Variants in C1orf21 observed in about 807,000 individuals in gnomAD.
C1orf21 encodes the protein chromosome 1 open reading frame 21, also known as uncharacterized protein C1orf21.
Under a neutral mutation model 18.7 loss-of-function variants are expected in C1orf21, and 3 were observed. The observed-to-expected ratio is 0.16, with a 90% CI of 0.07 to 0.42. C1orf21 has a LOEUF of 0.42. C1orf21 is among the 10% of genes least tolerant of loss of function. The pLI, the probability that C1orf21 is intolerant of heterozygous loss-of-function variation, is 0.99. For missense variants in C1orf21, 104 were observed against 143.6 expected (o/e 0.72, Z 1.41); for synonymous variants, 41 against 46.4 (o/e 0.88, Z 0.47).
intron 3 of C1orf21, among the ~76,000 whole-genome samples, 199 bp from the exon 4 acceptor site, chr1:184,590,540 T>A (rs1659422615): frequency 6.6e-6 from 1 of 152,238 alleles, no homozygotes; most frequent in African/African-American, 2.4e-5. Flanking sequence ...CTAATTTCAC[T>A]TTTCATAGCA....
In C1orf21 at chr1:184,523,764, AAG is replaced by A. The variant is rs1036420887; in HGVS notation, c.189+16083_189+16084del. On this transcript the variant is annotated intron_variant, in intron 3 of 5. Coordinates refer to ENST00000235307, the MANE Select transcript of C1orf21 (RefSeq NM_030806.4). ...GTATAAAATTTGTTTAAATATGAAA[AAG>A]GACCTATACCATACACACTGTGAAA... Among the ~76,000 whole-genome samples the A allele has an allele frequency of 8.5e-5, 13 of 152,272 alleles. No homozygotes were observed. In the South Asian group the frequency reaches 1.2e-3, roughly 15 times the overall value.
intron 3 of C1orf21, among the ~76,000 whole-genome samples, chr1:184,521,758 AAC>A (rs1475015399): frequency 6.6e-6 from 1 of 152,188 alleles, no homozygotes; most frequent in Non-Finnish European, 1.5e-5. Flanking sequence ...ATAAATTAAA[AAC>A]ACAAACAAAA....
chr1:184,524,443 T>G (rs949022031), intron 3 of C1orf21, among the ~76,000 whole-genome samples: 1 of 152,162 alleles, frequency 6.6e-6, no homozygotes, highest in Non-Finnish European at 1.5e-5. Flanking sequence ...TCCTTTATTA[T>G]GTTGCATTTG....
intron 2 of C1orf21, among the ~76,000 whole-genome samples, chr1:184,502,060 A>T (rs540115813): frequency 6.6e-6 from 1 of 152,366 alleles, no homozygotes; most frequent in Non-Finnish European, 1.5e-5. Flanking sequence ...ATTTTACAAA[A>T]TGATAATACC....
At chr1:184,506,843 C>A (rs183209962) in intron 2 of C1orf21, among the ~76,000 whole-genome samples, 1 of 151,980 alleles carries the variant, frequency 6.6e-6, no homozygotes, top group South Asian at 2.1e-4. Flanking sequence ...CTGGCTGTTG[C>A]GGAGGCTAGG....
At chr1:184,463,531 C>G (rs1275241507) in intron 1 of C1orf21, among the ~76,000 whole-genome samples, 2 of 152,168 alleles carry the variant, frequency 1.3e-5, no homozygotes, top group Non-Finnish European at 2.9e-5. Flanking sequence ...ATCTTACACA[C>G]TTTTGCTTTC....
At chr1:184,542,062 G>C (rs1007896917) in intron 3 of C1orf21, among the ~76,000 whole-genome samples, 1 of 152,232 alleles carries the variant, frequency 6.6e-6, no homozygotes, top group Non-Finnish European at 1.5e-5. Flanking sequence ...TCTATACCGG[G>C]TGCAGTCATC....
chr1:184,615,120 T>C (rs992299823), intron 5 of C1orf21, among the ~76,000 whole-genome samples: 5 of 152,242 alleles, frequency 3.3e-5, no homozygotes, highest in Non-Finnish European at 5.9e-5. Flanking sequence ...TTAGTACTTC[T>C]AATTCTTATA....
At position 184,606,634 on chromosome 1, in the gene C1orf21, A is replaced by C. The variant is rs138513191; in HGVS notation, c.327+8173A>C. On this transcript the variant is annotated intron_variant, in intron 5 of 5. Coordinates refer to ENST00000235307, the MANE Select transcript of C1orf21 (RefSeq NM_030806.4). ...CTAAATATGCTTGTAACAACAACAAAAAAAATTTAGGAAAGGGGCTCCAAA... is the reference window on the plus strand; with the variant it reads ...CTAAATATGCTTGTAACAACAACAACAAAAATTTAGGAAAGGGGCTCCAAA... Among the ~76,000 whole-genome samples, 1,183 of 152,042 alleles carry C rather than the reference A, an allele frequency of 7.8e-3. 6 individuals carry two copies. Among genetic ancestry groups the C allele is most frequent in the Middle Eastern group, 0.02 (6 of 294 alleles).
chr1:184,439,709 G>T (rs1428555128), intron 1 of C1orf21, among the ~76,000 whole-genome samples: 3 of 152,116 alleles, frequency 2.0e-5, no homozygotes, highest in Non-Finnish European at 4.4e-5. Flanking sequence ...CCAGCAATTT[G>T]GGAGGCTGAG....
chr1:184,607,665 A>ATGTGTGTATATATATACATATATG (rs1659666628), intron 5 of C1orf21, among the ~76,000 whole-genome samples: 1 of 149,892 alleles, frequency 6.7e-6, no homozygotes, highest in Non-Finnish European at 1.5e-5. Context: ...ATACATATAT[A>ATGTGTGTATATATATACATATATG]TGTGTGTATA....
chr1:184,477,766 G>A (rs546931819), intron 2 of C1orf21, among the ~76,000 whole-genome samples, 163 bp downstream of exon 2: 11 of 152,200 alleles, frequency 7.2e-5, no homozygotes, highest in African/African-American at 1.7e-4. Flanking sequence ...CTATCACCTC[G>A]AGCATTTATT....
chr1:184,478,366 TTGGCAACCCA>T (rs1330336237), intron 2 of C1orf21, among the ~76,000 whole-genome samples: 1 of 152,180 alleles, frequency 6.6e-6, no homozygotes, highest in Non-Finnish European at 1.5e-5. Flanking sequence ...AGGCCACAGA[TTGGCAACCCA>T]TGGCCACACC....
chr1:184,449,163 T>C (rs1285632636), intron 1 of C1orf21, among the ~76,000 whole-genome samples: 2 of 152,074 alleles, frequency 1.3e-5, no homozygotes, highest in African/African-American at 2.4e-5. Context: ...ACTCGTCATT[T>C]ACATTAGGTG....
At chr1:184,520,979 C>T (rs1222571135) in intron 3 of C1orf21, among the ~76,000 whole-genome samples, 1 of 152,110 alleles carries the variant, frequency 6.6e-6, no homozygotes, top group Non-Finnish European at 1.5e-5. Context: ...CTGCAACCTC[C>T]GCCTCCCGGG....
intron 2 of C1orf21, among the ~76,000 whole-genome samples, chr1:184,490,285 A>T (rs928082925): frequency 2.6e-5 from 4 of 152,256 alleles, no homozygotes; most frequent in South Asian, 4.1e-4. Flanking sequence ...ACTGGTAAAG[A>T]TGCAATAGAT....
intron 2 of C1orf21, among the ~76,000 whole-genome samples, chr1:184,485,758 T>C (rs1436401030): frequency 2.0e-5 from 3 of 152,138 alleles, no homozygotes; most frequent in Non-Finnish European, 4.4e-5. Flanking sequence ...TGCTGCTTAG[T>C]GATAGACTTT....
intron 3 of C1orf21, among the ~76,000 whole-genome samples, chr1:184,568,985 C>T (rs975105212): frequency 2.0e-5 from 3 of 152,164 alleles, no homozygotes; most frequent in African/African-American, 7.2e-5. Flanking sequence ...ACGTGAACAC[C>T]GTCTTTAGGG....
At chr1:184,555,835 C>A (rs1212083014) in intron 3 of C1orf21, among the ~76,000 whole-genome samples, 1 of 152,176 alleles carries the variant, frequency 6.6e-6, no homozygotes, top group South Asian at 2.1e-4. Context: ...ATTTCCCTGG[C>A]ACAATATGGT....
Sources: gnomAD v4.1 joint callset for allele counts (sites outside exome capture counted in the v4.1 genomes callset) on GRCh38, gnomAD v4.1.1 for gene constraint, MANE v1.5 for transcripts, NCBI Gene and HGNC (gene_info 2026-07-23, HGNC 2026-07-21) for gene names.